The following TOP1 variants were observed in gnomAD, a reference collection of about 807,000 sequenced individuals.
The protein encoded by TOP1 is DNA topoisomerase I.
Under a neutral mutation model 111.1 loss-of-function variants are expected in TOP1, and 10 were observed. The observed-to-expected ratio is 0.09, with a 90% confidence interval of 0.06 to 0.15. The LOEUF (loss-of-function observed/expected upper bound fraction) is 0.15, where lower values mean the gene tolerates loss of function less well. TOP1 is among the 10% of genes least tolerant of loss of function. The pLI is 1.00. For missense variants in TOP1, 474 were observed against 926.7 expected, an observed-to-expected ratio of 0.51 and a Z score of 6.34; for synonymous variants, 271 against 302.9, an observed-to-expected ratio of 0.89 and a Z score of 1.10.
chr20:41,064,985 A>G (rs748133369), intron 3 of TOP1, among the ~76,000 whole-genome samples: 15 of 151,948 alleles, frequency 9.9e-5, no homozygotes, highest in Non-Finnish European at 5.9e-5. Context: ...GCTCACTGCT[A>G]TCTCCACCTC....
At chr20:41,053,802 C>T (rs768794481) in intron 2 of TOP1, among the ~76,000 whole-genome samples, 31 of 152,132 alleles carry the variant, frequency 2.0e-4, no homozygotes, top group Non-Finnish European at 2.9e-4. Flanking sequence ...TTCCCTGTCA[C>T]TTATTAAAAA....
chr20:41,060,298 C>T (rs1157379140), intron 2 of TOP1, among the ~76,000 whole-genome samples: 1 of 152,184 alleles, frequency 6.6e-6, no homozygotes, highest in East Asian at 1.9e-4. Context: ...TATATCCACA[C>T]AATGTAACAC....
chr20:41,047,708 T>A (rs2033350814), intron 2 of TOP1, among the ~76,000 whole-genome samples: 1 of 152,208 alleles, frequency 6.6e-6, no homozygotes, highest in African/African-American at 2.4e-5. Flanking sequence ...GGAACTTGAA[T>A]GGGCTACAAG....
chr20:41,088,032 C>T (rs1379681904), intron 8 of TOP1, among the ~76,000 whole-genome samples: 1 of 152,102 alleles, frequency 6.6e-6, no homozygotes, highest in African/African-American at 2.4e-5. Context: ...AGCTGTCAGC[C>T]CAGTCACATG....
rs1319122912 is a variant in TOP1 at position 41,028,839 on chromosome 20, T to C, written c.-229T>C. On this transcript the variant is annotated 5_prime_UTR_variant, in exon 1 of 21. Transcript: ENST00000361337. The stretch of plus-strand genomic sequence containing the variant: ...AGTGAGCCCAAATGCGAACTTAGGC[T>C]GTTACACAACTGCTGGGGTCTGTTC... The C allele has an allele frequency of 9.5e-6, 5 of 528,612 alleles. No homozygotes were observed. In the South Asian group the frequency reaches 1.2e-4, roughly 12 times the overall value. The allele number at this position is 528,612 out of a possible 1,614,324, so 32.7% of individuals were successfully genotyped here. A position where few individuals can be genotyped will look rare whatever the true frequency, so the allele number is the denominator to read the frequency against.
rs1236394612 is a variant in TOP1, at chr20:41,067,528, A to T, written c.155+6038A>T. ...GTAGCAGATTAAAGAAATCTGGGGG[A>T]TTATTTAATCACATCTGAACCCCAG... is the stretch of plus-strand genomic sequence containing the variant. On this transcript the variant is annotated intron_variant, in intron 3 of 20. Coordinates refer to ENST00000361337, the MANE Select transcript of TOP1 (RefSeq NM_003286.4). This position sits in a 1 kb window ranked among gnomAD's most constrained non-coding sequence, Gnocchi z 4.0. Among the ~76,000 whole-genome samples, 1 of 152,114 alleles carries T rather than the reference A, an allele frequency of 6.6e-6. No homozygotes were observed. The highest frequency in any genetic ancestry group is 1.5e-5 in the Non-Finnish European group (1 of 68,022).
Position 41,071,387 on chromosome 20 carries a change from C to T in TOP1, c.156-4784C>T, listed in dbSNP as rs1348237532. On this transcript the variant is annotated intron_variant, in intron 3 of 20. Coordinates refer to ENST00000361337, the MANE Select transcript of TOP1 (RefSeq NM_003286.4). This position sits in a 1 kb window ranked among gnomAD's most constrained non-coding sequence, Gnocchi z 4.3. ...TTGAGATGGAGCCTCAGTCTATCGC[C>T]AGGCTGGAGTGCAGTGGCGTGATCT... is the stretch of plus-strand genomic sequence containing the variant. 2.0e-5 allele frequency among the ~76,000 whole-genome samples: 3 copies of T among 151,916 alleles called. No homozygotes were observed. The East Asian group carries it at 5.8e-4, about 29-fold the overall frequency.
intron 3 of TOP1, chr20:41,072,409 C>T (rs1299729960): frequency 1.0e-5 from 10 of 985,190 alleles, no homozygotes; most frequent in Non-Finnish European, 1.2e-5. Flanking sequence ...TCAAACATAT[C>T]CTAAGCCTTT....
At chr20:41,048,043 A>T (rs1226092749) in intron 2 of TOP1, among the ~76,000 whole-genome samples, 1 of 151,888 alleles carries the variant, frequency 6.6e-6, no homozygotes, top group African/African-American at 2.4e-5. Flanking sequence ...AGGTGAGAAC[A>T]ACCTCTTTCT....
At chr20:41,111,746 T>C (rs977907245) in intron 13 of TOP1, among the ~76,000 whole-genome samples, 1 of 152,234 alleles carries the variant, frequency 6.6e-6, no homozygotes, top group Middle Eastern at 3.4e-3. Context: ...ACTACCACTT[T>C]CCTTTGTTGC....
Position 41,115,262 on chromosome 20 carries a change from T to C in TOP1, c.1639-109T>C. On this transcript the variant is annotated intron_variant, in intron 15 of 20. Transcript: ENST00000361337. This position sits in a 1 kb window ranked among gnomAD's most constrained non-coding sequence, Gnocchi z 6.3. Reference sequence around the variant, plus strand: ...ACAGTGAATCTCGGTGACGGATGTATGCGTGTTCCTTGTGCCTTTTTCTTT... The same window carrying C: ...ACAGTGAATCTCGGTGACGGATGTACGCGTGTTCCTTGTGCCTTTTTCTTT... 1.4e-6 allele frequency: 1 copy of C among 694,972 alleles called. No homozygotes were observed. Among genetic ancestry groups the C allele is most frequent in the Non-Finnish European group, 2.5e-6 (1 of 398,378 alleles). The allele number at this position is 694,972 out of a possible 1,614,324, so 43.1% of individuals were successfully genotyped here.
At chr20:41,040,597 T>A (rs2033250265) in intron 2 of TOP1, among the ~76,000 whole-genome samples, 1 of 151,984 alleles carries the variant, frequency 6.6e-6, no homozygotes, top group Non-Finnish European at 1.5e-5. Flanking sequence ...CCCTAAGAAG[T>A]GCATTTATTG....
intron 2 of TOP1, among the ~76,000 whole-genome samples, chr20:41,056,244 G>A (rs936826777): frequency 1.3e-5 from 2 of 152,110 alleles, no homozygotes; most frequent in African/African-American, 4.8e-5. Flanking sequence ...TATTTAGTTT[G>A]TTTAAATGCT....
chr20:41,059,115 T>C (rs939603340), intron 2 of TOP1, among the ~76,000 whole-genome samples: 1 of 151,888 alleles, frequency 6.6e-6, no homozygotes, highest in African/African-American at 2.4e-5. Context: ...GGGAGCTAAA[T>C]GATGAGAACA....
rs1471410296 is a variant in TOP1 at position 41,083,244 on chromosome 20, GGT to G, written c.508-1213_508-1212del. Among the ~76,000 whole-genome samples, 1 of 151,956 alleles carries G rather than the reference GGT, an allele frequency of 6.6e-6. No individual in the cohort carries two copies. Among genetic ancestry groups the G allele is most frequent in the African/African-American group, 2.4e-5 (1 of 41,348 alleles). On this transcript the variant is annotated intron_variant, in intron 7 of 20. Coordinates refer to ENST00000361337, the MANE Select transcript of TOP1 (RefSeq NM_003286.4). This position sits in a 1 kb window ranked among gnomAD's most constrained non-coding sequence, Gnocchi z 7.2. ...ACTGAAAAACATTTCCCTTTCCTGT[GGT>G]GTGTTTCACCCTAAATAGTAAACAT...
Position 41,106,992 on chromosome 20 carries a change from C to G in TOP1, c.1308+5639C>G, listed in dbSNP as rs1210225055. ...CAAATGTTTTATTAATTGCTATACT[C>G]AGTGTTTCTTGTATCTCATACCTTC... On this transcript the variant is annotated intron_variant, in intron 13 of 20. Transcript: ENST00000361337. This position sits in a 1 kb window ranked among gnomAD's most constrained non-coding sequence, Gnocchi z 4.3. 6.6e-6 allele frequency among the ~76,000 whole-genome samples: 1 copy of G among 152,174 alleles called. No homozygotes were observed. The highest frequency in any genetic ancestry group is 2.4e-5 in the African/African-American group (1 of 41,444).
Position 41,101,039 on chromosome 20 carries a change from G to A in TOP1, c.1164-170G>A. 1.6e-6 allele frequency: 1 copy of A among 610,066 alleles called. No homozygotes were observed. The highest frequency in any genetic ancestry group is 2.9e-6 in the Non-Finnish European group (1 of 347,528). The allele number at this position is 610,066 out of a possible 1,614,324, so 37.8% of individuals were successfully genotyped here. On this transcript the variant is annotated intron_variant, in intron 12 of 20. Transcript: ENST00000361337. The surrounding 1 kb of genome is among the most constrained non-coding windows in gnomAD (Gnocchi z 4.1). ...AATTTTGTATTGAATATTTTCGGAT[G>A]ACAGTTGGCTGAGGGTAAGTAAAAC...
chr20:41,121,655 T>G lies in TOP1; in HGVS notation c.1951-41T>G, dbSNP rs759202013. ...TCACCTTCTCAGGTGGAGCCATTTT[T>G]CCTCTACAGCTCATAACCTTACCAC... is the stretch of plus-strand genomic sequence containing the variant. On this transcript the variant is annotated intron_variant, in intron 18 of 20. Transcript: ENST00000361337. This position sits in a 1 kb window ranked among gnomAD's most constrained non-coding sequence, Gnocchi z 4.2. 2 of 1,537,964 alleles carry G rather than the reference T, an allele frequency of 1.3e-6. No homozygotes were observed. The highest frequency in any genetic ancestry group is 1.8e-6 in the Non-Finnish European group (2 of 1,111,004).
At position 41,046,890 on chromosome 20, in the gene TOP1, C is replaced by G. The variant is rs2033341451; in HGVS notation, c.59-14504C>G. On this transcript the variant is annotated intron_variant, in intron 2 of 20. Coordinates refer to ENST00000361337, the MANE Select transcript of TOP1 (RefSeq NM_003286.4). This position sits in a 1 kb window ranked among gnomAD's most constrained non-coding sequence, Gnocchi z 4.3. The stretch of plus-strand genomic sequence containing the variant: ...TTAGCAGTGGGCCAGTCATTGGCCT[C>G]TCTTCAGAGTTCTCATGTGACTCAC... Among the ~76,000 whole-genome samples the G allele has an allele frequency of 1.3e-5, 2 of 152,202 alleles. No homozygotes were observed. Among genetic ancestry groups the G allele is most frequent in the East Asian group, 1.9e-4 (1 of 5,200 alleles).
Sources: allele counts gnomAD v4.1 joint callset (sites outside exome capture counted in the v4.1 genomes callset), GRCh38; gene constraint gnomAD v4.1.1; non-coding constraint Gnocchi (gnomAD v3.1); transcripts MANE v1.5; gene names NCBI Gene and HGNC (gene_info 2026-07-23, HGNC 2026-07-21).